SELP: variants seen among roughly 807,000 people sequenced by gnomAD.
SELP encodes the protein P-selectin.
SELP carries 92 observed loss-of-function variants against 104.1 expected under a neutral mutation model. That is an observed-to-expected ratio of 0.88 (90% CI 0.75 to 1.05). SELP has a LOEUF of 1.05. Ranked by LOEUF, SELP falls within the 50% of genes least tolerant of loss-of-function variation. The probability of loss-of-function intolerance (pLI) is 0.00; values close to 1 mark genes in which losing one functional copy is unlikely to be tolerated. For missense variants in SELP, 1,022 were observed against 1,017.3 expected, an observed-to-expected ratio of 1.00 and a Z score of -0.06; for synonymous variants, 397 against 364.5, an observed-to-expected ratio of 1.09 and a Z score of -1.01.
intron 10 of SELP, among the ~76,000 whole-genome samples, chr1:169,599,055 T>A (rs1472171697): frequency 2.0e-5 from 3 of 152,218 alleles, no homozygotes; most frequent in Non-Finnish European, 2.9e-5. Context: ...TAAAAGTCTC[T>A]GAACTCTCTC....
chr1:169,611,054 G>A lies in SELP; in HGVS notation c.1147+438C>T, dbSNP rs550488588. Among the ~76,000 whole-genome samples the A allele has an allele frequency of 3.9e-5, 6 of 152,182 alleles. No homozygotes were observed. The South Asian group carries it at 6.2e-4, about 16-fold the overall frequency. ...CAATTGCAGAGAATTCATTTTGGCG[G>A]AATTATGTAATTGCCTGGGATTGCA... On this transcript the variant is annotated intron_variant, in intron 7 of 16. Coordinates refer to ENST00000263686, the MANE Select transcript of SELP (RefSeq NM_003005.4).
At position 169,617,170 on chromosome 1, in the gene SELP, C is replaced by T. The variant is rs769431141; in HGVS notation, c.339G>A (p.Glu113=). 1.1e-5 allele frequency: 17 copies of T among 1,614,002 alleles called. No individual in the cohort carries two copies. In the East Asian group the frequency reaches 3.3e-4, roughly 32 times the overall value. The change falls in exon 3 of 17, where the codon GAG becomes GAA. Residue 113 remains glutamate (E), a synonymous_variant. Transcript: ENST00000263686. ...GTTCATTATCAGCCCAGTTCTCAGC[C>T]TCGTTGGTGAGAGCCTTTTTGGTTC... ...WVGTKKALTN[E]AENWADNEPN...
chr1:169,615,825 TTC>T (rs2101911504), intron 3 of SELP, among the ~76,000 whole-genome samples: 1 of 152,326 alleles, frequency 6.6e-6, no homozygotes, highest in Non-Finnish European at 1.5e-5. Context: ...GCTTGCTTTA[TTC>T]TGTGTATTCT....
chr1:169,617,793 A>G (rs1449495569), intron 2 of SELP, among the ~76,000 whole-genome samples: 1 of 152,256 alleles, frequency 6.6e-6, no homozygotes, highest in Non-Finnish European at 1.5e-5. Flanking sequence ...TCTTAAGGGC[A>G]AGCTCTACCT....
chr1:169,595,897 C>T (rs1209351962), intron 12 of SELP, 28 bp downstream of exon 12: 19 of 1,605,798 alleles, frequency 1.2e-5, no homozygotes, highest in Non-Finnish European at 1.5e-5. Context: ...AAGGCAGGTT[C>T]AGAACTGCCT....
At chr1:169,596,479 C>T (rs532951304) in intron 11 of SELP, among the ~76,000 whole-genome samples, 4 of 152,306 alleles carry the variant, frequency 2.6e-5, no homozygotes, top group Non-Finnish European at 1.5e-5. Flanking sequence ...CCCAACCCTG[C>T]CTTATTGGGA....
intron 14 of SELP, 35 bp from the exon 15 acceptor site, chr1:169,591,491 A>T: frequency 6.8e-7 from 1 of 1,467,378 alleles, no homozygotes; most frequent in Non-Finnish European, 9.3e-7. Flanking sequence ...TGAATGATTA[A>T]AAAAAAAAAA....
chr1:169,617,531 A>C, intron 2 of SELP, 117 bp from the exon 3 acceptor site: 1 of 1,037,892 alleles, frequency 9.6e-7, no homozygotes, highest in South Asian at 1.6e-5. Context: ...AATACACAAA[A>C]CAACGACTAG....
intron 15 of SELP, 54 bp from the exon 16 acceptor site, chr1:169,590,256 C>T (rs1661289327): frequency 1.6e-6 from 2 of 1,222,402 alleles, no homozygotes; most frequent in African/African-American, 3.0e-5. Context: ...TTCTCGACAA[C>T]ACAGTCCAAC....
Position 169,617,201 on chromosome 1 carries a change from C to G in SELP, c.308G>C (p.Trp103Ser). ...GGTGAGAGCCTTTTTGGTTCCCACCCATGTCCATGTCTTATTGTTCTTTCG... is the reference window on the plus strand; with the variant it reads ...GGTGAGAGCCTTTTTGGTTCCCACCGATGTCCATGTCTTATTGTTCTTTCG... ...GIRKNNKTWT[W>S]VGTKKALTNE... The change falls in exon 3 of 17, where the codon TGG becomes TCG. Residue 103 changes from tryptophan to serine, a missense_variant. Trp to Ser is a radical substitution (Grantham distance 177). Transcript: ENST00000263686. The G allele has an allele frequency of 2.5e-6, 4 of 1,614,128 alleles. No individual in the cohort carries two copies. In the South Asian group the frequency reaches 4.4e-5, roughly 18 times the overall value.
chr1:169,611,419 A>G, intron 7 of SELP, 73 bp downstream of exon 7: 1 of 1,469,074 alleles, frequency 6.8e-7, no homozygotes, highest in Admixed American at 1.9e-5. Context: ...CCCGACACTG[A>G]GAGCCCTTGG....
intron 8 of SELP, among the ~76,000 whole-genome samples, chr1:169,608,682 A>T (rs1253380742): frequency 6.6e-6 from 1 of 152,182 alleles, no homozygotes; most frequent in East Asian, 1.9e-4. Context: ...ATGGGTGCAC[A>T]AATATCTCTT....
intron 1 of SELP, among the ~76,000 whole-genome samples, chr1:169,624,553 C>G (rs1663282970): frequency 6.6e-6 from 1 of 152,160 alleles, no homozygotes; most frequent in Non-Finnish European, 1.5e-5. Context: ...AGTTCGAGAA[C>G]AGCCTGGCAA....
intron 15 of SELP, among the ~76,000 whole-genome samples, chr1:169,590,479 G>A (rs1267162861): frequency 6.6e-6 from 1 of 152,198 alleles, no homozygotes; most frequent in Non-Finnish European, 1.5e-5. Context: ...TCTTCTAGGT[G>A]ACAAGAGGTA....
chr1:169,618,958 C>A (rs1268375881), intron 2 of SELP, among the ~76,000 whole-genome samples, 171 bp downstream of exon 2: 1 of 152,188 alleles, frequency 6.6e-6, no homozygotes, highest in Non-Finnish European at 1.5e-5. Flanking sequence ...CTTTCCTATG[C>A]CCTTTCTACC....
chr1:169,589,884 T>C (rs1016107356), intron 16 of SELP, among the ~76,000 whole-genome samples: 2 of 152,228 alleles, frequency 1.3e-5, no homozygotes, highest in Non-Finnish European at 2.9e-5. Context: ...CAGTTAATAA[T>C]GGAAATGTTA....
intron 2 of SELP, among the ~76,000 whole-genome samples, chr1:169,618,905 G>A (rs1170384449): frequency 6.6e-6 from 1 of 152,168 alleles, no homozygotes; most frequent in Non-Finnish European, 1.5e-5. Context: ...TGTGTCTACT[G>A]TGCCTAATGG....
In SELP at chr1:169,610,180, GA is replaced by G. The variant is rs200426723; in HGVS notation, c.1148-492del. Among the ~76,000 whole-genome samples, 991 of 143,476 alleles carry G rather than the reference GA, an allele frequency of 6.9e-3. 6 individuals are homozygous for G. Among genetic ancestry groups the G allele is most frequent in the African/African-American group, 0.019 (764 of 39,482 alleles). The allele number at this position is 143,476 out of a possible 152,430, so 94.1% of individuals were successfully genotyped here. A position where few individuals can be genotyped will look rare whatever the true frequency, so the allele number is the denominator to read the frequency against. ...TACAGGAAAATGCTGGACTTATAGG[GA>G]AAAAAAAAAAAGCTGGACTAGCATA... is the stretch of plus-strand genomic sequence containing the variant. On this transcript the variant is annotated intron_variant, in intron 7 of 16. Coordinates refer to ENST00000263686, the MANE Select transcript of SELP (RefSeq NM_003005.4).
chr1:169,615,130 A>G (rs1055737233), intron 3 of SELP, among the ~76,000 whole-genome samples: 2 of 152,216 alleles, frequency 1.3e-5, no homozygotes, highest in African/African-American at 4.8e-5. Flanking sequence ...GATTCAATGA[A>G]TAAATCTTTT....
Sources: allele counts gnomAD v4.1 joint callset (sites outside exome capture counted in the v4.1 genomes callset), GRCh38; gene constraint gnomAD v4.1.1; transcripts MANE v1.5; gene names NCBI Gene and HGNC (gene_info 2026-07-23, HGNC 2026-07-21).